KLF12: variants seen among roughly 807,000 people sequenced by gnomAD.
KLF12 encodes KLF transcription factor 12.
In KLF12, 9 loss-of-function variants were observed where a neutral mutation model predicts 37.8. The ratio of observed to expected loss-of-function variants is 0.24; its 90% CI spans 0.14 to 0.42. The LOEUF (loss-of-function observed/expected upper bound fraction) is 0.42. Among genes scored for constraint, KLF12 ranks in the 10% least tolerant of loss-of-function variants. The probability of loss-of-function intolerance (pLI) is 1.00; values close to 1 mark genes in which losing one functional copy is unlikely to be tolerated. For synonymous variants in KLF12, 208 were observed against 202.1 expected (o/e 1.03, Z -0.25); for missense variants, 411 against 516.0 (o/e 0.80, Z 1.97).
At chr13:73,831,591 G>A (rs57117983) in intron 4 of KLF12, among the ~76,000 whole-genome samples, 3,798 of 152,122 alleles carry the variant, frequency 0.025, 109 homozygotes, top group African/African-American at 0.07. Flanking sequence ...GGACTAAAGC[G>A]CCGTGTTAGC....
chr13:74,156,399 A>G, the KLF12 span, among the ~76,000 whole-genome samples: 1 of 152,198 alleles, frequency 6.6e-6, no homozygotes, highest in Admixed American at 6.5e-5. Context: ...ATGGTATAAA[A>G]TGTAGGCTCT....
intron 1 of KLF12, among the ~76,000 whole-genome samples, chr13:74,095,811 T>A (rs959087061): frequency 6.6e-6 from 1 of 152,212 alleles, no homozygotes; most frequent in Non-Finnish European, 1.5e-5. Flanking sequence ...CTATTTTGAA[T>A]ACTGAGGAGC....
chr13:73,925,866 C>A (rs114988913), intron 3 of KLF12, among the ~76,000 whole-genome samples: 4 of 152,024 alleles, frequency 2.6e-5, no homozygotes, highest in Admixed American at 2.0e-4. Context: ...AAGACTTCAG[C>A]GGAGGAAGGA....
chr13:73,974,697 GA>G (rs2138133655), intron 2 of KLF12, among the ~76,000 whole-genome samples: 2 of 152,240 alleles, frequency 1.3e-5, no homozygotes, highest in African/African-American at 2.4e-5. Flanking sequence ...ACTTAGAGTA[GA>G]AAAGTAGCTG....
chr13:74,294,659 G>T, the KLF12 span, among the ~76,000 whole-genome samples: 1 of 152,134 alleles, frequency 6.6e-6, no homozygotes, highest in Non-Finnish European at 1.5e-5. Flanking sequence ...GAACCACTGT[G>T]CCTGGCCTCT....
intron 3 of KLF12, among the ~76,000 whole-genome samples, chr13:73,850,063 A>G (rs562246861): frequency 6.6e-6 from 1 of 152,312 alleles, no homozygotes; most frequent in East Asian, 1.9e-4. Flanking sequence ...TTTATAATAC[A>G]TATTAAATAA....
At chr13:74,034,712 G>C (rs1893204079) in intron 1 of KLF12, among the ~76,000 whole-genome samples, 1 of 152,148 alleles carries the variant, frequency 6.6e-6, no homozygotes. Flanking sequence ...CAAAGTATTA[G>C]GGAGATACAT....
intron 6 of KLF12, among the ~76,000 whole-genome samples, chr13:73,734,905 G>T (rs1051190365): frequency 2.1e-4 from 32 of 152,148 alleles, no homozygotes; most frequent in African/African-American, 7.0e-4. Context: ...GACTCCAAAG[G>T]TTATTGCTTA....
intron 6 of KLF12, among the ~76,000 whole-genome samples, chr13:73,757,417 G>A (rs1879247825): frequency 6.6e-6 from 1 of 152,130 alleles, no homozygotes; most frequent in Admixed American, 6.5e-5. Context: ...GGCAAATCTT[G>A]TACTATGCCA....
chr13:73,968,532 A>C (rs978618271), intron 2 of KLF12, among the ~76,000 whole-genome samples: 33 of 152,320 alleles, frequency 2.2e-4, no homozygotes, highest in African/African-American at 7.7e-4. Context: ...GAATCTGTGT[A>C]TCTTTCGTCG....
chr13:74,023,279 C>T (rs888248835), intron 1 of KLF12, among the ~76,000 whole-genome samples: 2 of 152,278 alleles, frequency 1.3e-5, no homozygotes, highest in South Asian at 2.1e-4. Flanking sequence ...TTTTCGAGAA[C>T]GTTAAAAATT....
chr13:73,775,006 C>A (rs1295376520), intron 5 of KLF12, among the ~76,000 whole-genome samples: 2 of 151,798 alleles, frequency 1.3e-5, no homozygotes, highest in Admixed American at 1.3e-4. Context: ...CAACCTCTGC[C>A]TCCTGGGTTC....
intron 3 of KLF12, among the ~76,000 whole-genome samples, chr13:73,891,093 G>C (rs1023493674): frequency 4.0e-5 from 6 of 151,740 alleles, no homozygotes. Flanking sequence ...TAAGACTAAA[G>C]ACACAAAGGA....
chr13:73,986,326 A>G (rs972879688), intron 2 of KLF12, among the ~76,000 whole-genome samples: 1 of 152,232 alleles, frequency 6.6e-6, no homozygotes, highest in African/African-American at 2.4e-5. Flanking sequence ...TTTAGCTGCA[A>G]AAGTGATTTG....
chr13:74,282,136 G>A, the KLF12 span, among the ~76,000 whole-genome samples: 1 of 152,174 alleles, frequency 6.6e-6, no homozygotes, highest in Admixed American at 6.5e-5. Flanking sequence ...TCAGTTTCTA[G>A]TGGCAACAAG....
intron 3 of KLF12, among the ~76,000 whole-genome samples, chr13:73,848,303 C>T (rs1885135630): frequency 1.3e-5 from 2 of 151,934 alleles, no homozygotes; most frequent in South Asian, 2.1e-4. Flanking sequence ...ACAGACAATA[C>T]AGGAGGGGGA....
chr13:74,207,714 G>A, the KLF12 span, among the ~76,000 whole-genome samples: 4 of 152,002 alleles, frequency 2.6e-5, no homozygotes, highest in South Asian at 8.3e-4. Flanking sequence ...TTCAGGTCAT[G>A]CAGCAAATGG....
chr13:73,931,023 A>G (rs904658860), intron 3 of KLF12, among the ~76,000 whole-genome samples: 2 of 151,810 alleles, frequency 1.3e-5, no homozygotes, highest in African/African-American at 4.8e-5. Context: ...TGTCTCGCTA[A>G]TTTTTTGTAT....
chr13:73,884,010 T>C (rs1412221181), intron 3 of KLF12, among the ~76,000 whole-genome samples: 1 of 152,168 alleles, frequency 6.6e-6, no homozygotes, highest in Non-Finnish European at 1.5e-5. Context: ...TTTAACGCAG[T>C]TGGGAAAAAC....
Sources: gnomAD v4.1 joint callset for allele counts (sites outside exome capture counted in the v4.1 genomes callset) on GRCh38, gnomAD v4.1.1 for gene constraint, MANE v1.5 for transcripts, NCBI Gene and HGNC (gene_info 2026-07-23, HGNC 2026-07-21) for gene names.